The following ADCY9 variants were observed in gnomAD, a reference collection of about 807,000 sequenced individuals.
The protein encoded by ADCY9 is adenylate cyclase type 9.
Under a neutral mutation model 101.5 loss-of-function variants are expected in ADCY9, and 50 were observed. The ratio of observed to expected loss-of-function variants is 0.49; its 90% confidence interval spans 0.39 to 0.62. ADCY9 has a LOEUF of 0.62. ADCY9 is among the 20% of genes least tolerant of loss of function. ADCY9 has a pLI of 0.00. For missense variants in ADCY9, 1,662 were observed against 1,800.4 expected (o/e 0.92, Z 1.39); for synonymous variants, 905 against 769.3 (o/e 1.18, Z -2.92).
At chr16:4,037,944 T>C (rs903683721) in intron 2 of ADCY9, among the ~76,000 whole-genome samples, 1 of 152,194 alleles carries the variant, frequency 6.6e-6, no homozygotes. Context: ...TCCCCCAAAA[T>C]TGACGTGTTT....
chr16:4,058,690 G>T (rs2056756343), intron 2 of ADCY9, among the ~76,000 whole-genome samples: 2 of 152,136 alleles, frequency 1.3e-5, no homozygotes, highest in African/African-American at 4.8e-5. Flanking sequence ...CAGGGAACAA[G>T]AAAACTGCAG....
At position 3,987,946 on chromosome 16, in the gene ADCY9, CT is replaced by C. The variant is rs1168724017; in HGVS notation, c.2310+1047del. Among the ~76,000 whole-genome samples, 5 of 152,102 alleles carry C rather than the reference CT, an allele frequency of 3.3e-5. No individual in the cohort carries two copies. The East Asian group carries it at 9.6e-4, about 29-fold the overall frequency. On this transcript the variant is annotated intron_variant, in intron 6 of 10. Coordinates refer to ENST00000294016, the MANE Select transcript of ADCY9 (RefSeq NM_001116.4). Reference sequence around the variant, plus strand: ...TTGTATTATTCCTTCCAGCAACCCCCTAAGGAGCACTTGTGAGCGCTGGGAC... The same window carrying C: ...TTGTATTATTCCTTCCAGCAACCCCCAAGGAGCACTTGTGAGCGCTGGGAC...
chr16:4,080,562 C>G (rs991400579), intron 2 of ADCY9, among the ~76,000 whole-genome samples: 1 of 151,964 alleles, frequency 6.6e-6, no homozygotes, highest in Non-Finnish European at 1.5e-5. Flanking sequence ...CCCAGCCCAA[C>G]GGAAGAAATT....
At position 3,966,058 on chromosome 16, in the gene ADCY9, G is replaced by C; in HGVS notation, c.3779C>G (p.Pro1260Arg). ...GCCATCCACCTGGACGCGGATGTCT[G>C]GGGAGATGGACAGCTGGTGCTGTGG... ...VIPQHQLSIS[P>R]DIRVQVDGSI... Residue 1260 changes from proline (P) to arginine (R), a missense_variant, in exon 11 of 11, where the codon CCA (proline) becomes CGA (arginine). Pro to Arg is a moderately radical substitution (Grantham distance 103). Around this residue, in one of 5 missense-constraint regions of ADCY9, gnomAD observed 168 missense variants for 155.3 expected, o/e 1.08. Coordinates refer to ENST00000294016, the MANE Select transcript of ADCY9 (RefSeq NM_001116.4). The C allele has an allele frequency of 6.2e-7, 1 of 1,614,204 alleles. No homozygotes were observed. The highest frequency in any genetic ancestry group is 8.5e-7 in the Non-Finnish European group (1 of 1,180,028).
intron 6 of ADCY9, among the ~76,000 whole-genome samples, chr16:3,988,646 A>T (rs1597148179): frequency 2.4e-5 from 1 of 40,896 alleles, no homozygotes; most frequent in African/African-American, 1.0e-4. Flanking sequence ...CTTCCAAGGC[A>T]GGTGGGGGGG....
intron 2 of ADCY9, among the ~76,000 whole-genome samples, chr16:4,030,629 G>A (rs1233120949): frequency 6.6e-6 from 1 of 152,074 alleles, no homozygotes; most frequent in African/African-American, 2.4e-5. Context: ...CTTGAACCTG[G>A]GAGGTGGAGG....
Position 3,966,425 on chromosome 16 carries a change from G to C in ADCY9, c.3412C>G (p.Leu1138Val), listed in dbSNP as rs774989006. The change falls in exon 11 of 11, where the codon CTG (leucine) becomes GTG (valine). Residue 1138 changes from leucine (L) to valine (V), a missense_variant. Coordinates refer to ENST00000294016, the MANE Select transcript of ADCY9 (RefSeq NM_001116.4). ...ATCATCTCCTTGGCGAACTCGAACAGGATCTGCAGGTGCTCCTGCGGGTGG... is the reference window on the plus strand; with the variant it reads ...ATCATCTCCTTGGCGAACTCGAACACGATCTGCAGGTGCTCCTGCGGGTGG... The part of the protein sequence containing the change: ...GSHPQEHLQI[L>V]FEFAKEMMRV... The C allele has an allele frequency of 1.2e-6, 2 of 1,614,198 alleles. No homozygotes were observed. The highest frequency in any genetic ancestry group is 1.7e-6 in the Non-Finnish European group (2 of 1,180,050).
In ADCY9 at chr16:4,115,892, A is replaced by C; in HGVS notation, c.-246T>G. On this transcript the variant is annotated 5_prime_UTR_variant, in exon 1 of 11. Transcript: ENST00000294016. This position sits in a 1 kb window ranked among gnomAD's most constrained non-coding sequence, Gnocchi z 6.2. ...AGCCCCGCGAGCCGCCTGCGCACAAACAACTCCGCTGGCGGCGCGGAGCCC... is the reference window on the plus strand; with the variant it reads ...AGCCCCGCGAGCCGCCTGCGCACAACCAACTCCGCTGGCGGCGCGGAGCCC... The C allele has an allele frequency of 7.8e-6, 3 of 385,804 alleles. No homozygotes were observed. The highest frequency in any genetic ancestry group is 2.1e-5 in the African/African-American group (1 of 48,032). 23.9% of individuals were successfully genotyped at this position (385,804 alleles called of 1,614,324 possible). A position where few individuals can be genotyped will look rare whatever the true frequency, so the allele number is the denominator to read the frequency against.
chr16:3,985,371 C>T (rs1004933182), intron 6 of ADCY9, among the ~76,000 whole-genome samples: 3 of 152,102 alleles, frequency 2.0e-5, no homozygotes, highest in South Asian at 2.1e-4. Context: ...ATCTCGACCT[C>T]GTGATCTGCC....
At chr16:4,111,608 C>T (rs1290158135) in intron 2 of ADCY9, among the ~76,000 whole-genome samples, 1 of 152,060 alleles carries the variant, frequency 6.6e-6, no homozygotes, top group East Asian at 1.9e-4. Flanking sequence ...TCCTGGAGTC[C>T]TATCCACAAA....
intron 2 of ADCY9, among the ~76,000 whole-genome samples, chr16:4,032,508 A>G (rs552908547): frequency 2.4e-5 from 3 of 124,406 alleles, no homozygotes; most frequent in South Asian, 5.4e-4. Context: ...TCTATATCAC[A>G]CAATTTTTTT....
At chr16:4,026,453 C>T (rs934407464) in intron 2 of ADCY9, among the ~76,000 whole-genome samples, 1 of 148,956 alleles carries the variant, frequency 6.7e-6, no homozygotes. Context: ...AAAAGTTAAT[C>T]CTGCAATGAC....
At chr16:4,003,412 T>G (rs2056344664) in intron 3 of ADCY9, among the ~76,000 whole-genome samples, 1 of 152,168 alleles carries the variant, frequency 6.6e-6, no homozygotes, top group South Asian at 2.1e-4. Flanking sequence ...GCGTGCCGAG[T>G]GTGAGCGAGG....
chr16:4,096,846 C>T (rs1014604937), intron 2 of ADCY9, among the ~76,000 whole-genome samples: 4 of 150,904 alleles, frequency 2.7e-5, no homozygotes, highest in Admixed American at 6.6e-5. Context: ...AACTCAAACA[C>T]GAAAATAAAT....
At chr16:4,007,622 G>A (rs1390487392) in intron 2 of ADCY9, 64 bp from the exon 3 acceptor site, 5 of 1,407,184 alleles carry the variant, frequency 3.6e-6, no homozygotes, top group East Asian at 4.6e-5. Context: ...ACGCAGCTCC[G>A]TCTTGCTCTC....
chr16:4,035,904 G>T (rs1003093483), intron 2 of ADCY9, among the ~76,000 whole-genome samples: 5 of 149,324 alleles, frequency 3.3e-5, no homozygotes, highest in African/African-American at 9.9e-5. Context: ...GAGGCTGAGG[G>T]TGGAGAATCA....
Position 3,977,642 on chromosome 16 carries a change from G to C in ADCY9, c.2680-12C>G, listed in dbSNP as rs749110853. ...GTGAACACTGGGAACTGCAAGAGGC[G>C]AAGGGTTAGGACAGCCGCCCAGGGC... On this transcript the variant is annotated splice_polypyrimidine_tract_variant and intron_variant, in intron 8 of 10. Coordinates refer to ENST00000294016, the MANE Select transcript of ADCY9 (RefSeq NM_001116.4). 53 of 1,612,128 alleles carry C rather than the reference G, an allele frequency of 3.3e-5. No individual in the cohort carries two copies. The highest frequency in any genetic ancestry group is 4.2e-6 in the Non-Finnish European group (5 of 1,179,538).
intron 2 of ADCY9, among the ~76,000 whole-genome samples, chr16:4,027,601 A>C (rs568266440): frequency 6.6e-6 from 1 of 152,050 alleles, no homozygotes; most frequent in Non-Finnish European, 1.5e-5. Context: ...GATCAACTGG[A>C]CGTGGTGGCT....
chr16:4,005,317 C>A (rs2056360060), intron 3 of ADCY9, among the ~76,000 whole-genome samples: 1 of 152,186 alleles, frequency 6.6e-6, no homozygotes, highest in Non-Finnish European at 1.5e-5. Context: ...AGCCTAAATT[C>A]CTGGGCTCAA....
Sources: allele counts gnomAD v4.1 joint callset (sites outside exome capture counted in the v4.1 genomes callset), GRCh38; gene constraint gnomAD v4.1.1; regional missense constraint gnomAD v4.1.1; non-coding constraint Gnocchi (gnomAD v3.1); transcripts MANE v1.5; gene names NCBI Gene and HGNC (gene_info 2026-07-23, HGNC 2026-07-21).